CDH12: variants seen among roughly 807,000 people sequenced by gnomAD.
The protein encoded by CDH12 is cadherin 12.
CDH12 carries 41 observed loss-of-function variants against 74.1 expected under a neutral mutation model. The ratio of observed to expected loss-of-function variants is 0.55; its 90% CI spans 0.43 to 0.72. The LOEUF (loss-of-function observed/expected upper bound fraction) is 0.72, where lower values mean the gene tolerates loss of function less well. CDH12 is among the 30% of genes least tolerant of loss of function. The pLI is 0.00. For synonymous variants in CDH12, 399 were observed against 355.0 expected (o/e 1.12, Z -1.39); for missense variants, 945 against 977.2 (o/e 0.97, Z 0.44).
chr5:22,797,309 A>C (rs72748751), intron 1 of CDH12, among the ~76,000 whole-genome samples: 16 of 152,196 alleles, frequency 1.1e-4, no homozygotes, highest in Non-Finnish European at 1.9e-4. Context: ...CAGAGCTGAC[A>C]GCACCTTGGA....
At chr5:21,797,184 GTGA>G (rs60534561) in intron 10 of CDH12, among the ~76,000 whole-genome samples, 5,164 of 151,272 alleles carry the variant, frequency 0.034, 151 homozygotes, top group African/African-American at 0.084. Flanking sequence ...GCTGTGCTTA[GTGA>G]TGATGATGAT....
At chr5:21,947,528 C>T (rs1308005604) in intron 6 of CDH12, among the ~76,000 whole-genome samples, 2 of 152,142 alleles carry the variant, frequency 1.3e-5, no homozygotes, top group Non-Finnish European at 2.9e-5. Context: ...TTGCCCCTGT[C>T]CTAGAGATCT....
chr5:22,347,256 C>T (rs910520175), intron 3 of CDH12, among the ~76,000 whole-genome samples: 1 of 152,156 alleles, frequency 6.6e-6, no homozygotes, highest in Admixed American at 6.5e-5. Flanking sequence ...CATCCTCAAT[C>T]TGGATGGGCA....
At chr5:22,206,974 G>A (rs1343344880) in intron 4 of CDH12, among the ~76,000 whole-genome samples, 2 of 151,120 alleles carry the variant, frequency 1.3e-5, no homozygotes, top group Non-Finnish European at 2.9e-5. Context: ...AGCACTTTGG[G>A]AGGCGGAGGT....
intron 1 of CDH12, among the ~76,000 whole-genome samples, chr5:22,702,090 G>T (rs559220486): frequency 7.2e-5 from 11 of 152,072 alleles, no homozygotes; most frequent in Admixed American, 6.6e-4. Flanking sequence ...GTCTAGAGGC[G>T]TCTGGAACAA....
chr5:22,046,984 CTGTAGTCTCAGAAATGTTTGGTGG>C (rs1739998968), intron 5 of CDH12, among the ~76,000 whole-genome samples: 2 of 152,322 alleles, frequency 1.3e-5, no homozygotes, highest in Non-Finnish European at 2.9e-5. Context: ...TAGCTGCCCA[CTGTAGTCTCAGAAATGTTTGGTGG>C]CATCTCCCCA....
intron 1 of CDH12, among the ~76,000 whole-genome samples, chr5:22,540,119 C>T (rs1422325648): frequency 6.6e-6 from 1 of 151,938 alleles, no homozygotes; most frequent in Admixed American, 6.6e-5. Context: ...AAATGTTTAT[C>T]TTTTTTTAGC....
intron 8 of CDH12, among the ~76,000 whole-genome samples, chr5:21,840,370 T>G (rs1437711142): frequency 2.6e-5 from 4 of 152,128 alleles, no homozygotes; most frequent in Admixed American, 2.6e-4. Context: ...GCTCACTATT[T>G]TTTACTAAAG....
chr5:22,557,345 T>G (rs1168644306), intron 1 of CDH12, among the ~76,000 whole-genome samples: 1 of 152,044 alleles, frequency 6.6e-6, no homozygotes, highest in African/African-American at 2.4e-5. Context: ...AACAGATTGA[T>G]TTACAGAGAT....
rs1336001350 is a variant in CDH12, at chr5:22,173,387, A to T, written c.-187+39111T>A. ...ATTATAATACATACACTTTTATATA[A>T]TATAAATATTAATAAATATTAATAA... On this transcript the variant is annotated intron_variant, in intron 4 of 14. Coordinates refer to ENST00000382254, the MANE Select transcript of CDH12 (RefSeq NM_004061.5). 1.1e-4 allele frequency among the ~76,000 whole-genome samples: 15 copies of T among 133,590 alleles called. 1 individual carries two copies. In the South Asian group the frequency reaches 3.7e-3, roughly 33 times the overall value. The allele number at this position is 133,590 out of a possible 152,430, so 87.6% of individuals were successfully genotyped here.
intron 6 of CDH12, among the ~76,000 whole-genome samples, chr5:21,959,562 G>C (rs1321049077): frequency 6.6e-6 from 1 of 151,816 alleles, no homozygotes; most frequent in Non-Finnish European, 1.5e-5. Flanking sequence ...AAAAAAGCAG[G>C]GGTTGCATCC....
intron 1 of CDH12, among the ~76,000 whole-genome samples, chr5:22,698,714 TATATATATATATATATATATA>T (rs1210848347): frequency 3.4e-3 from 51 of 14,864 alleles, no homozygotes; most frequent in Middle Eastern, 0.05. Context: ...TATATATATA[TATATATATATATATATATATA>T]GTGTGTGTGT....
intron 1 of CDH12, among the ~76,000 whole-genome samples, chr5:22,738,165 C>G (rs968073290): frequency 6.6e-6 from 1 of 151,838 alleles, no homozygotes; most frequent in African/African-American, 2.4e-5. Context: ...GGATCTTGTC[C>G]AAGGTTATTA....
At chr5:22,596,135 A>T (rs1431270886) in intron 1 of CDH12, among the ~76,000 whole-genome samples, 1 of 149,090 alleles carries the variant, frequency 6.7e-6, no homozygotes, top group Non-Finnish European at 1.5e-5. Context: ...AAAAAATAAA[A>T]ATAATAATAA....
intron 1 of CDH12, among the ~76,000 whole-genome samples, chr5:22,829,305 A>G (rs933236961): frequency 6.6e-6 from 1 of 152,152 alleles, no homozygotes; most frequent in Admixed American, 6.6e-5. Context: ...AAACTTTTTG[A>G]CACTCTATAA....
In CDH12 at chr5:22,162,439, A is replaced by C. The variant is rs575836867; in HGVS notation, c.-187+50059T>G. Among the ~76,000 whole-genome samples, 8 of 152,130 alleles carry C rather than the reference A, an allele frequency of 5.3e-5. No individual in the cohort carries two copies. In the South Asian group the frequency reaches 1.7e-3, roughly 32 times the overall value. ...TGTTCCTTATTTTGGTGTTACATTA[A>C]ATTTGCACTTTCCATCTGAAGAATC... On this transcript the variant is annotated intron_variant, in intron 4 of 14. Coordinates refer to ENST00000382254, the MANE Select transcript of CDH12 (RefSeq NM_004061.5).
At chr5:22,705,130 T>TATATAC (rs752782183) in intron 1 of CDH12, among the ~76,000 whole-genome samples, 1,722 of 125,574 alleles carry the variant, frequency 0.014, 21 homozygotes, top group Middle Eastern at 0.059. Context: ...TATATATATA[T>TATATAC]ACACACACAC....
intron 3 of CDH12, among the ~76,000 whole-genome samples, chr5:22,255,615 C>A (rs1222669772): frequency 2.0e-5 from 3 of 151,508 alleles, no homozygotes; most frequent in Non-Finnish European, 3.0e-5. Flanking sequence ...ATTTTTATTA[C>A]ATTTTATTTA....
intron 3 of CDH12, among the ~76,000 whole-genome samples, chr5:22,328,762 G>C (rs1285656317): frequency 6.6e-6 from 1 of 152,176 alleles, no homozygotes; most frequent in African/African-American, 2.4e-5. Flanking sequence ...GAGAGTAATA[G>C]GTTGTGGTGA....
Sources: gnomAD v4.1 joint callset for allele counts (sites outside exome capture counted in the v4.1 genomes callset) on GRCh38, gnomAD v4.1.1 for gene constraint, MANE v1.5 for transcripts, NCBI Gene and HGNC (gene_info 2026-07-23, HGNC 2026-07-21) for gene names.